The following CCM2 variants were observed in gnomAD, a reference collection of about 807,000 sequenced individuals.
CCM2 encodes CCM2 scaffold protein.
In CCM2, 25 loss-of-function variants were observed where a neutral mutation model predicts 44.9. The ratio of observed to expected loss-of-function variants is 0.56; its 90% CI spans 0.41 to 0.78. The LOEUF is 0.78. Among genes scored for constraint, CCM2 ranks in the 30% least tolerant of loss-of-function variants. The pLI is 0.00. For synonymous variants in CCM2, 219 were observed against 241.1 expected, an observed-to-expected ratio of 0.91 and a Z score of 0.85; for missense variants, 481 against 580.6, an observed-to-expected ratio of 0.83 and a Z score of 1.76.
chr7:45,021,775 G>A (rs1796491801), intron 1 of CCM2, among the ~76,000 whole-genome samples: 1 of 151,798 alleles, frequency 6.6e-6, no homozygotes, highest in Non-Finnish European at 1.5e-5. Flanking sequence ...AGGGATGAGA[G>A]AGGGAAGGAA....
chr7:45,026,246 A>G (rs1435102305), intron 1 of CCM2, among the ~76,000 whole-genome samples: 2 of 152,056 alleles, frequency 1.3e-5, no homozygotes, highest in African/African-American at 4.8e-5. Flanking sequence ...TTGTGACTCT[A>G]CTCTGGTTTT....
intron 6 of CCM2, chr7:45,071,975 T>A: frequency 2.4e-6 from 1 of 410,988 alleles, no homozygotes; most frequent in South Asian, 1.8e-5. Flanking sequence ...TATTCTGCCC[T>A]CCATACTTAC....
At chr7:45,039,632 G>A (rs962981434) in intron 2 of CCM2, among the ~76,000 whole-genome samples, 2 of 152,188 alleles carry the variant, frequency 1.3e-5, no homozygotes, top group East Asian at 3.8e-4. Flanking sequence ...AAATGTAAAA[G>A]TATATAATAT....
intron 1 of CCM2, among the ~76,000 whole-genome samples, chr7:45,000,955 A>G (rs145372591): frequency 1.2e-3 from 176 of 152,380 alleles, no homozygotes; most frequent in African/African-American, 3.9e-3. Flanking sequence ...AGTAGTCGAT[A>G]AAGAAACATT....
intron 1 of CCM2, among the ~76,000 whole-genome samples, chr7:45,003,175 A>G (rs967154562): frequency 1.3e-5 from 2 of 152,098 alleles, no homozygotes; most frequent in East Asian, 1.9e-4. Flanking sequence ...TCCCGGGTTC[A>G]GGTGATTCTC....
intron 4 of CCM2, among the ~76,000 whole-genome samples, chr7:45,065,094 T>G (rs1484136161): frequency 2.6e-5 from 4 of 152,022 alleles, no homozygotes; most frequent in Non-Finnish European, 4.4e-5. Flanking sequence ...CCAGGAGCTC[T>G]TGGTCATAGA....
chr7:45,059,723 G>A (rs1475353022), intron 2 of CCM2, among the ~76,000 whole-genome samples: 3 of 152,166 alleles, frequency 2.0e-5, no homozygotes, highest in African/African-American at 7.2e-5. Flanking sequence ...GGGCAACAGA[G>A]CAAGACCCTG....
intron 2 of CCM2, among the ~76,000 whole-genome samples, chr7:45,044,441 G>T (rs939746867): frequency 3.3e-5 from 5 of 152,142 alleles, no homozygotes; most frequent in African/African-American, 1.2e-4. Flanking sequence ...TGGCCCAGCT[G>T]TAGTTTTTAT....
chr7:45,059,515 C>T (rs774237735), intron 2 of CCM2, among the ~76,000 whole-genome samples: 5 of 151,832 alleles, frequency 3.3e-5, no homozygotes, highest in South Asian at 2.1e-4. Flanking sequence ...AAGGCCGAGG[C>T]GGGCGGATTG....
At chr7:45,000,935 A>G (rs1795592504) in intron 1 of CCM2, among the ~76,000 whole-genome samples, 1 of 152,242 alleles carries the variant, frequency 6.6e-6, no homozygotes, top group Non-Finnish European at 1.5e-5. Context: ...TAATTACAGT[A>G]AAGGGTTATA....
chr7:45,066,294 A>T (rs1798769823), intron 4 of CCM2, among the ~76,000 whole-genome samples: 1 of 151,988 alleles, frequency 6.6e-6, no homozygotes, highest in South Asian at 2.1e-4. Context: ...TGCTGTGTTT[A>T]TTTTTTAATT....
At chr7:45,050,503 G>A (rs1426731052) in intron 2 of CCM2, among the ~76,000 whole-genome samples, 1 of 152,216 alleles carries the variant, frequency 6.6e-6, no homozygotes, top group African/African-American at 2.4e-5. Context: ...AGGGACAACT[G>A]TACCTGTTTC....
chr7:45,027,620 T>C, intron 1 of CCM2: 2 of 1,612,470 alleles, frequency 1.2e-6, no homozygotes, highest in Non-Finnish European at 1.7e-6. Context: ...CTGTGGTTTC[T>C]GGTCTTCCTG....
intron 2 of CCM2, among the ~76,000 whole-genome samples, chr7:45,039,368 TGGAA>T (rs1423834514): frequency 1.3e-5 from 2 of 152,322 alleles, no homozygotes; most frequent in Non-Finnish European, 2.9e-5. Context: ...AAGGAATTCT[TGGAA>T]GGGTGCTCAT....
At chr7:45,027,903 AG>A in intron 1 of CCM2, 2 of 1,156,986 alleles carry the variant, frequency 1.7e-6, no homozygotes, top group South Asian at 2.6e-5. Context: ...ATTGTGAGCT[AG>A]GGTAGCCCAG....
intron 5 of CCM2, 89 bp from the exon 6 acceptor site, chr7:45,069,737 A>T (rs984060809): frequency 6.6e-7 from 1 of 1,525,142 alleles, no homozygotes; most frequent in African/African-American, 1.4e-5. Flanking sequence ...TTTATTGAGC[A>T]TCTGGGCTGC....
intron 8 of CCM2, 152 bp from the exon 9 acceptor site, chr7:45,074,118 C>T: frequency 6.7e-7 from 1 of 1,492,222 alleles, no homozygotes; most frequent in Non-Finnish European, 8.9e-7. Flanking sequence ...GATGGGGACA[C>T]ATTGTGGTCA....
intron 2 of CCM2, among the ~76,000 whole-genome samples, chr7:45,051,820 C>A (rs1018456450): frequency 1.3e-5 from 2 of 151,970 alleles, no homozygotes; most frequent in Non-Finnish European, 2.9e-5. Context: ...CTCGGCCCCC[C>A]AAAATGCTGG....
At position 45,064,017 on chromosome 7, in the gene CCM2, T is replaced by A; in HGVS notation, c.288+16T>A. ...CAATGCAAAGGTAACCCTATCCTCT[T>A]AACCCTGTGCACTAGCCCTCAGCCC... is the stretch of plus-strand genomic sequence containing the variant. On this transcript the variant is annotated intron_variant, in intron 3 of 9. Transcript: ENST00000258781. The A allele has an allele frequency of 6.3e-7, 1 of 1,582,412 alleles. No homozygotes were observed. The highest frequency in any genetic ancestry group is 1.1e-5 in the South Asian group (1 of 90,416).
Sources: allele counts gnomAD v4.1 joint callset (sites outside exome capture counted in the v4.1 genomes callset), GRCh38; gene constraint gnomAD v4.1.1; transcripts MANE v1.5; gene names NCBI Gene and HGNC (gene_info 2026-07-23, HGNC 2026-07-21).